The following PDE3B variants were observed in gnomAD, a reference collection of about 807,000 sequenced individuals.
The protein encoded by PDE3B is cGMP-inhibited 3',5'-cyclic phosphodiesterase 3B.
Under a neutral mutation model 116.8 loss-of-function variants are expected in PDE3B, and 66 were observed. That is an observed-to-expected ratio of 0.56 (90% CI 0.46 to 0.69). PDE3B has a LOEUF of 0.69. PDE3B is among the 30% of genes least tolerant of loss of function. PDE3B has a pLI of 0.00. For synonymous variants in PDE3B, 595 were observed against 533.6 expected (o/e 1.12, Z -1.59); for missense variants, 1,384 against 1,368.1 (o/e 1.01, Z -0.18).
At chr11:14,686,407 A>T (rs886288790) in intron 1 of PDE3B, among the ~76,000 whole-genome samples, 2 of 152,342 alleles carry the variant, frequency 1.3e-5, no homozygotes, top group South Asian at 4.1e-4. Context: ...TACTTTAAAG[A>T]AAATAATAAC....
chr11:14,781,433 C>T (rs952354845), intron 2 of PDE3B, among the ~76,000 whole-genome samples: 3 of 152,194 alleles, frequency 2.0e-5, no homozygotes, highest in Admixed American at 6.5e-5. Context: ...CAAACCGAAT[C>T]CAGCAGCACA....
At chr11:14,890,287 C>T in the PDE3B span, 1 of 198,462 alleles carries the variant, frequency 5.0e-6, no homozygotes. Flanking sequence ...TAGTCTTATG[C>T]TTTCACATTT....
rs771605177 is a variant in PDE3B at position 14,819,151 on chromosome 11, G to C, written c.1749G>C (p.Met583Ile). ...SNLCNSCGHQ[M>I]LKYVSTSESD... Reference sequence around the variant, plus strand: ...ATTCTATAAGCTGTGGACATCAAATGCTGAAATATGTTTCAACATCTGAAT... The same window carrying C: ...ATTCTATAAGCTGTGGACATCAAATCCTGAAATATGTTTCAACATCTGAAT... Residue 583 changes from methionine to isoleucine, a missense_variant, in exon 7 of 16, where the codon ATG becomes ATC. Coordinates refer to ENST00000282096, the MANE Select transcript of PDE3B (RefSeq NM_000922.4). 1.9e-6 allele frequency: 3 copies of C among 1,593,082 alleles called. No individual in the cohort carries two copies. In the South Asian group the frequency reaches 3.4e-5, roughly 18 times the overall value.
At chr11:14,797,586 T>A (rs1476235601) in intron 4 of PDE3B, among the ~76,000 whole-genome samples, 2 of 152,148 alleles carry the variant, frequency 1.3e-5, no homozygotes, top group East Asian at 1.9e-4. Context: ...TTCATTTGTT[T>A]GTCCTCTCTT....
At chr11:14,646,319 C>G (rs1314921582) in intron 1 of PDE3B, among the ~76,000 whole-genome samples, 1 of 152,148 alleles carries the variant, frequency 6.6e-6, no homozygotes, top group South Asian at 2.1e-4. Context: ...GGTTTTATGA[C>G]GTGTTGAACA....
At chr11:14,809,378 A>G (rs1164014174) in intron 5 of PDE3B, among the ~76,000 whole-genome samples, 1 of 152,262 alleles carries the variant, frequency 6.6e-6, no homozygotes, top group African/African-American at 2.4e-5. Context: ...GCTTAACCAT[A>G]CAGTAGAATA....
At chr11:14,793,127 G>T (rs973307960) in intron 4 of PDE3B, among the ~76,000 whole-genome samples, 1 of 152,226 alleles carries the variant, frequency 6.6e-6, no homozygotes, top group East Asian at 1.9e-4. Flanking sequence ...TCAGATCTGG[G>T]ATGAGATTTC....
the PDE3B span, chr11:14,885,831 T>C: frequency 6.2e-7 from 1 of 1,613,600 alleles, no homozygotes; most frequent in Non-Finnish European, 8.5e-7. Context: ...CTGCAAAAAT[T>C]TCGCTTTGAT....
At chr11:14,672,251 A>G (rs561494870) in intron 1 of PDE3B, among the ~76,000 whole-genome samples, 13 of 152,004 alleles carry the variant, frequency 8.6e-5, no homozygotes, top group African/African-American at 2.2e-4. Context: ...ATGCATTGCT[A>G]TTAAGTGAAT....
chr11:14,890,546 T>A, the PDE3B span: 1 of 510,328 alleles, frequency 2.0e-6, no homozygotes, highest in Non-Finnish European at 2.4e-6. Flanking sequence ...TCTTTTTTTT[T>A]TTTTTTTTTT....
chr11:14,859,159 C>T lies in PDE3B; in HGVS notation c.2637C>T (p.Phe879=). ...NFLLHLDHVE[F]KRFRFLVIEA... ...TTCTTCATCTTGATCATGTGGAATT[C>T]AAGCGCTTTCGTTTTTTAGTCATTG... The change falls in exon 13 of 16, where the codon TTC becomes TTT. Residue 879 remains phenylalanine (F), a synonymous_variant. Coordinates refer to ENST00000282096, the MANE Select transcript of PDE3B (RefSeq NM_000922.4). 2 of 1,613,702 alleles carry T rather than the reference C, an allele frequency of 1.2e-6. No homozygotes were observed. The highest frequency in any genetic ancestry group is 2.2e-5 in the South Asian group (2 of 91,062).
intron 5 of PDE3B, among the ~76,000 whole-genome samples, chr11:14,816,923 C>A (rs1407390095): frequency 1.3e-5 from 2 of 152,160 alleles, no homozygotes; most frequent in Non-Finnish European, 2.9e-5. Context: ...TTGACCCAGC[C>A]ATCCCATTAC....
intron 1 of PDE3B, among the ~76,000 whole-genome samples, chr11:14,712,970 T>C (rs754330980): frequency 3.9e-5 from 6 of 152,182 alleles, no homozygotes; most frequent in Non-Finnish European, 7.4e-5. Context: ...ATATATCTCA[T>C]AAAGTTGTAC....
chr11:14,897,254 T>C, the PDE3B span, among the ~76,000 whole-genome samples: 3 of 152,220 alleles, frequency 2.0e-5, no homozygotes, highest in African/African-American at 7.2e-5. Flanking sequence ...ACTTGAATAA[T>C]TTAACTTTGA....
At chr11:14,807,836 C>T (rs1420447813) in intron 5 of PDE3B, among the ~76,000 whole-genome samples, 1 of 151,996 alleles carries the variant, frequency 6.6e-6, no homozygotes, top group African/African-American at 2.4e-5. Context: ...CACCTGAGGT[C>T]AGGAGTTTGA....
chr11:14,800,225 ATTCTTT>A (rs1858706445), intron 4 of PDE3B, among the ~76,000 whole-genome samples: 1 of 152,130 alleles, frequency 6.6e-6, no homozygotes, highest in South Asian at 2.1e-4. Context: ...TGGGTTGAAA[ATTCTTT>A]TTCTTTTGGC....
intron 1 of PDE3B, among the ~76,000 whole-genome samples, chr11:14,698,117 T>C (rs1855263631): frequency 6.6e-6 from 1 of 151,928 alleles, no homozygotes; most frequent in Non-Finnish European, 1.5e-5. Flanking sequence ...AATAGATTGG[T>C]ATTAGTGGTA....
At chr11:14,784,057 G>C (rs139944217) in intron 2 of PDE3B, among the ~76,000 whole-genome samples, 1 of 152,120 alleles carries the variant, frequency 6.6e-6, no homozygotes, top group African/African-American at 2.4e-5. Context: ...GGGGTTGTAC[G>C]CTCCTTATGA....
At chr11:14,880,686 G>A in the PDE3B span, 1 of 1,596,602 alleles carries the variant, frequency 6.3e-7, no homozygotes, top group Non-Finnish European at 8.5e-7. Context: ...AAGACTTTTG[G>A]CCATATCCAA....
Sources: gnomAD v4.1 joint callset for allele counts (sites outside exome capture counted in the v4.1 genomes callset) on GRCh38, gnomAD v4.1.1 for gene constraint, MANE v1.5 for transcripts, NCBI Gene and HGNC (gene_info 2026-07-23, HGNC 2026-07-21) for gene names.